Variants in BRD4 observed in about 807,000 individuals in gnomAD.
BRD4 encodes bromodomain containing 4.
BRD4 carries 16 observed loss-of-function variants against 142.1 expected under a neutral mutation model. The observed-to-expected ratio is 0.11, with a 90% CI of 0.08 to 0.17. The LOEUF (loss-of-function observed/expected upper bound fraction) is 0.17, where lower values mean the gene tolerates loss of function less well. Among genes scored for constraint, BRD4 ranks in the 10% least tolerant of loss-of-function variants. BRD4 has a pLI of 1.00. For synonymous variants in BRD4, 833 were observed against 707.5 expected, an observed-to-expected ratio of 1.18 and a Z score of -2.82; for missense variants, 1,424 against 1,810.9, an observed-to-expected ratio of 0.79 and a Z score of 3.88.
chr19:15,308,230 G>C (rs1358371579), intron 1 of BRD4, among the ~76,000 whole-genome samples: 1 of 141,758 alleles, frequency 7.1e-6, no homozygotes. Context: ...ATCAGCAGTG[G>C]GGTCATGCAT....
chr19:15,318,577 C>A (rs1414467294), intron 1 of BRD4, among the ~76,000 whole-genome samples: 1 of 152,182 alleles, frequency 6.6e-6, no homozygotes, highest in African/African-American at 2.4e-5. Flanking sequence ...CCAGTGCATG[C>A]GTAAGCAAAT....
chr19:15,267,570 G>A lies in BRD4; in HGVS notation c.424-19C>T, dbSNP rs1200029867. On this transcript the variant is annotated intron_variant, in intron 3 of 19. Coordinates refer to ENST00000679869, the MANE Select transcript of BRD4 (RefSeq NM_001379291.1). ...CTCCAGGCTGGATAAGGAGACACAG[G>A]GGTAGAGTCAGAGGGCCCTCCCCTC... 2 of 1,610,726 alleles carry A rather than the reference G, an allele frequency of 1.2e-6. No individual in the cohort carries two copies. The highest frequency in any genetic ancestry group is 2.2e-5 in the East Asian group (1 of 44,852).
At chr19:15,288,159 T>C (rs549064954) in intron 1 of BRD4, among the ~76,000 whole-genome samples, 31 of 152,304 alleles carry the variant, frequency 2.0e-4, no homozygotes, top group African/African-American at 7.5e-4. Flanking sequence ...TATAATACCT[T>C]TTGGCTACTG....
intron 2 of BRD4, 38 bp from the exon 3 acceptor site, chr19:15,269,080 C>G (rs199982333): frequency 1.6e-5 from 25 of 1,610,478 alleles, no homozygotes; most frequent in Non-Finnish European, 2.1e-5. Context: ...GTCACCTAGG[C>G]AGCCAGGCAG....
At chr19:15,290,177 A>G (rs564040556) in intron 1 of BRD4, among the ~76,000 whole-genome samples, 2 of 152,282 alleles carry the variant, frequency 1.3e-5, no homozygotes, top group South Asian at 4.1e-4. Flanking sequence ...TTGGAGATTA[A>G]AAAGAAGCTC....
chr19:15,265,375 C>T lies in BRD4; in HGVS notation c.828G>A (p.Ala276=), dbSNP rs748451854. The T allele has an allele frequency of 9.3e-6, 14 of 1,511,364 alleles. No individual in the cohort carries two copies. The highest frequency in any genetic ancestry group is 2.7e-5 in the South Asian group (2 of 74,266). The allele number at this position is 1,511,364 out of a possible 1,614,324, so 93.6% of individuals were successfully genotyped here. ...QPVQSHPPII[A]ATPQPVKTKK... ...TCACCTTCACAGGCTGTGGGGTGGC[C>T]GCGATGATGGGTGGGTGGCTCTGTA... Residue 276 remains alanine (A), a synonymous_variant, in exon 5 of 20, where the codon GCG becomes GCA. Coordinates refer to ENST00000679869, the MANE Select transcript of BRD4 (RefSeq NM_001379291.1).
At chr19:15,326,391 G>A (rs563624099) in intron 1 of BRD4, among the ~76,000 whole-genome samples, 10 of 152,016 alleles carry the variant, frequency 6.6e-5, no homozygotes, top group African/African-American at 2.2e-4. Context: ...GGCTTGAACC[G>A]GGGAGGCAGA....
In BRD4 at chr19:15,239,558, T is replaced by C. The variant is rs2145501304; in HGVS notation, c.3446-36A>G. On this transcript the variant is annotated intron_variant, in intron 16 of 19. Coordinates refer to ENST00000679869, the MANE Select transcript of BRD4 (RefSeq NM_001379291.1). The surrounding 1 kb of genome is among the most constrained non-coding windows in gnomAD (Gnocchi z 7.4). Reference sequence around the variant, plus strand: ...AACAGCCGGTGGGCCCTGGCCCACCTCACCCCAGTGGGGCATGGTCCACCA... The same window carrying C: ...AACAGCCGGTGGGCCCTGGCCCACCCCACCCCAGTGGGGCATGGTCCACCA... The C allele has an allele frequency of 6.3e-7, 1 of 1,589,416 alleles. No individual in the cohort carries two copies. Among genetic ancestry groups the C allele is most frequent in the African/African-American group, 1.3e-5 (1 of 74,104 alleles).
intron 1 of BRD4, among the ~76,000 whole-genome samples, chr19:15,322,028 A>G (rs2048065930): frequency 6.6e-6 from 1 of 152,184 alleles, no homozygotes; most frequent in African/African-American, 2.4e-5. Flanking sequence ...ATACATACAC[A>G]CACACACAAA....
intron 11 of BRD4, chr19:15,253,531 C>A: frequency 6.6e-7 from 1 of 1,520,714 alleles, no homozygotes; most frequent in East Asian, 2.4e-5. Context: ...CACGCAAGTC[C>A]AGGTGCGTGT....
intron 1 of BRD4, among the ~76,000 whole-genome samples, chr19:15,308,888 G>A (rs907271448): frequency 2.3e-4 from 35 of 151,572 alleles, no homozygotes; most frequent in Admixed American, 2.2e-3. Context: ...GGTGGCACAC[G>A]ACTGTAGCCC....
rs185884175 is a variant in BRD4, at chr19:15,312,028, T to C, written c.-35+20262A>G. Reference sequence around the variant, plus strand: ...GACAATATGCATATAGTTTACACTGTAAAATGGTTAGGATGTTGCATTTTA... The same window carrying C: ...GACAATATGCATATAGTTTACACTGCAAAATGGTTAGGATGTTGCATTTTA... On this transcript the variant is annotated intron_variant, in intron 1 of 19. Coordinates refer to ENST00000679869, the MANE Select transcript of BRD4 (RefSeq NM_001379291.1). 3.3e-5 allele frequency among the ~76,000 whole-genome samples: 5 copies of C among 152,344 alleles called. No individual in the cohort carries two copies. In the East Asian group the frequency reaches 9.6e-4, roughly 29 times the overall value.
chr19:15,249,327 T>G, intron 11 of BRD4: 1 of 1,613,630 alleles, frequency 6.2e-7, no homozygotes, highest in Non-Finnish European at 8.5e-7. Context: ...GTGAGAGAAA[T>G]GGTGTGGAAT....
intron 6 of BRD4, 30 bp from the exon 7 acceptor site, chr19:15,263,578 G>T (rs1410420845): frequency 6.2e-7 from 1 of 1,612,076 alleles, no homozygotes; most frequent in Admixed American, 1.7e-5. Context: ...CCTGTTAGCT[G>T]TGTCTGCCCA....
chr19:15,309,338 C>CAAAAA (rs59956347), intron 1 of BRD4, among the ~76,000 whole-genome samples: 13 of 72,916 alleles, frequency 1.8e-4, no homozygotes, highest in South Asian at 5.1e-4. Context: ...ACTCCACCTC[C>CAAAAA]AAAAAAAAAA....
intron 1 of BRD4, among the ~76,000 whole-genome samples, chr19:15,305,048 C>T (rs572729556): frequency 3.2e-5 from 4 of 123,200 alleles, no homozygotes; most frequent in Non-Finnish European, 6.6e-5. Flanking sequence ...TTTTTTGAGA[C>T]GGAGTTGTTG....
intron 11 of BRD4, among the ~76,000 whole-genome samples, chr19:15,246,222 G>C (rs935496741): frequency 6.6e-6 from 1 of 152,176 alleles, no homozygotes; most frequent in African/African-American, 2.4e-5. Flanking sequence ...CATGCCAGAA[G>C]GGAAAGCTTG....
chr19:15,239,606 A>G lies in BRD4; in HGVS notation c.3445+53T>C. 6.4e-7 allele frequency: 1 copy of G among 1,560,292 alleles called. No individual in the cohort carries two copies. Among genetic ancestry groups the G allele is most frequent in the African/African-American group, 1.4e-5 (1 of 73,094 alleles). On this transcript the variant is annotated intron_variant, in intron 16 of 19. Coordinates refer to ENST00000679869, the MANE Select transcript of BRD4 (RefSeq NM_001379291.1). This position sits in a 1 kb window ranked among gnomAD's most constrained non-coding sequence, Gnocchi z 7.4. ...CCAGCCCCACAGCAAGCTTATGTCC[A>G]ACACGGGCCTCGGGGGGCCTGAGCC...
intron 1 of BRD4, among the ~76,000 whole-genome samples, chr19:15,317,006 G>C (rs1247356294): frequency 6.6e-6 from 1 of 152,172 alleles, no homozygotes; most frequent in Non-Finnish European, 1.5e-5. Context: ...GCTCTACCCT[G>C]TGCTCACTAC....
Sources: gnomAD v4.1 joint callset for allele counts (sites outside exome capture counted in the v4.1 genomes callset) on GRCh38, gnomAD v4.1.1 for gene constraint, Gnocchi (gnomAD v3.1) non-coding constraint, MANE v1.5 for transcripts, NCBI Gene and HGNC (gene_info 2026-07-23, HGNC 2026-07-21) for gene names.